Variants in DCLK1 observed in about 807,000 individuals in gnomAD.
The protein encoded by DCLK1 is serine/threonine-protein kinase DCLK1.
A neutral mutation model predicts 86.2 loss-of-function variants in DCLK1; 16 were observed. The ratio of observed to expected loss-of-function variants is 0.19; its 90% CI spans 0.13 to 0.28. DCLK1 has a LOEUF of 0.28. Among genes scored for constraint, DCLK1 ranks in the 10% least tolerant of loss-of-function variants. DCLK1 has a pLI of 1.00. For synonymous variants in DCLK1, 369 were observed against 370.5 expected (o/e 1.00, Z 0.05); for missense variants, 590 against 940.2 (o/e 0.63, Z 4.87).
Position 35,858,180 on chromosome 13 carries a change from T to C in DCLK1, c.941-3587A>G, listed in dbSNP as rs189043620. Among the ~76,000 whole-genome samples, 65 of 152,116 alleles carry C rather than the reference T, an allele frequency of 4.3e-4. 1 individual carries two copies. The highest frequency in any genetic ancestry group is 3.4e-3 in the Middle Eastern group (1 of 294). On this transcript the variant is annotated intron_variant, in intron 5 of 16. Transcript: ENST00000360631. Reference sequence around the variant, plus strand: ...GAGTGGGGCACATTTAAGGGTCCTATGGTAGAGATGCTGACGTGGCTGATC... The same window carrying C: ...GAGTGGGGCACATTTAAGGGTCCTACGGTAGAGATGCTGACGTGGCTGATC...
chr13:35,810,769 T>C, intron 12 of DCLK1, 66 bp downstream of exon 12: 1 of 1,582,028 alleles, frequency 6.3e-7, no homozygotes, highest in Non-Finnish European at 8.6e-7. Flanking sequence ...AGTACTATTT[T>C]TCCTATTCTC....
At chr13:36,021,149 C>G (rs1881759150) in intron 3 of DCLK1, among the ~76,000 whole-genome samples, 1 of 151,608 alleles carries the variant, frequency 6.6e-6, no homozygotes, top group Admixed American at 6.6e-5. Context: ...GGAGCAAAGT[C>G]TTGGTATATA....
At chr13:35,985,749 T>A (rs1364252721) in intron 3 of DCLK1, among the ~76,000 whole-genome samples, 1 of 152,152 alleles carries the variant, frequency 6.6e-6, no homozygotes, top group Non-Finnish European at 1.5e-5. Flanking sequence ...CCTTTTTCCT[T>A]TGCTTTCCAG....
chr13:36,088,255 T>C (rs1884688447), intron 3 of DCLK1, among the ~76,000 whole-genome samples: 1 of 152,120 alleles, frequency 6.6e-6, no homozygotes, highest in Non-Finnish European at 1.5e-5. Flanking sequence ...GCAGACCATA[T>C]CCTTTGAGGA....
At chr13:36,031,575 T>A (rs1882273227) in intron 3 of DCLK1, among the ~76,000 whole-genome samples, 1 of 152,204 alleles carries the variant, frequency 6.6e-6, no homozygotes, top group South Asian at 2.1e-4. Context: ...GGTAATACGT[T>A]TGACAATATA....
intron 3 of DCLK1, among the ~76,000 whole-genome samples, chr13:35,953,298 G>C (rs1214624607): frequency 6.6e-6 from 1 of 152,080 alleles, no homozygotes; most frequent in African/African-American, 2.4e-5. Flanking sequence ...AATGCAGGCT[G>C]TTAACTACCA....
At chr13:36,089,010 T>C (rs1281669756) in intron 3 of DCLK1, among the ~76,000 whole-genome samples, 1 of 152,214 alleles carries the variant, frequency 6.6e-6, no homozygotes, top group Non-Finnish European at 1.5e-5. Context: ...AGAAACAAAA[T>C]TTTATTCTAT....
At chr13:36,126,421 T>G (rs1205529559) in intron 1 of DCLK1, among the ~76,000 whole-genome samples, 3 of 152,082 alleles carry the variant, frequency 2.0e-5, no homozygotes, top group African/African-American at 7.2e-5. Context: ...CTTCATTTTT[T>G]GTTCATTTGC....
intron 2 of DCLK1, among the ~76,000 whole-genome samples, chr13:36,120,768 T>C (rs547993702): frequency 1.7e-4 from 16 of 95,202 alleles, no homozygotes; most frequent in African/African-American, 4.3e-4. Context: ...CATGAAAAGA[T>C]GAAAATTATG....
intron 3 of DCLK1, among the ~76,000 whole-genome samples, chr13:36,091,797 A>G (rs990452853): frequency 3.9e-5 from 6 of 152,082 alleles, no homozygotes; most frequent in African/African-American, 1.4e-4. Flanking sequence ...CCCACTCCCA[A>G]CGATAGCTAT....
rs58830720 is a variant in DCLK1 at position 35,905,838 on chromosome 13, C to CA, written c.824-34499dup. On this transcript the variant is annotated intron_variant, in intron 4 of 16. Coordinates refer to ENST00000360631, the MANE Select transcript of DCLK1 (RefSeq NM_001330071.2). ...TGGTGTGGGACTGTGGGCTCCGTCT[C>CA]AAAAAAAAAAAGACTGCCAGGGCGA... Among the ~76,000 whole-genome samples the CA allele has an allele frequency of 3.4e-3, 491 of 142,486 alleles. 1 individual carries two copies. The highest frequency in any genetic ancestry group is 4.5e-3 in the Non-Finnish European group (290 of 64,470). The allele number at this position is 142,486 out of a possible 152,430, so 93.5% of individuals were successfully genotyped here.
At chr13:36,021,138 T>C (rs1435763551) in intron 3 of DCLK1, among the ~76,000 whole-genome samples, 2 of 152,166 alleles carry the variant, frequency 1.3e-5, no homozygotes, top group East Asian at 1.9e-4. Flanking sequence ...AGAGCTATAT[T>C]GGAGCAAAGT....
At chr13:36,065,070 A>T (rs999546101) in intron 3 of DCLK1, among the ~76,000 whole-genome samples, 13 of 152,244 alleles carry the variant, frequency 8.5e-5, no homozygotes, top group African/African-American at 2.9e-4. Flanking sequence ...GAAAATATGC[A>T]GTCTATGGAA....
chr13:35,938,928 G>A (rs1260226661), intron 4 of DCLK1, among the ~76,000 whole-genome samples: 1 of 152,176 alleles, frequency 6.6e-6, no homozygotes, highest in Non-Finnish European at 1.5e-5. Flanking sequence ...GATTGCAGAT[G>A]TTATACAATG....
At chr13:35,815,151 T>C (rs2087239829) in intron 11 of DCLK1, among the ~76,000 whole-genome samples, 1 of 152,204 alleles carries the variant, frequency 6.6e-6, no homozygotes, top group Non-Finnish European at 1.5e-5. Flanking sequence ...TTTGTTTCTT[T>C]TTTGTTTATT....
At chr13:35,864,916 T>G (rs538258151) in intron 5 of DCLK1, among the ~76,000 whole-genome samples, 2 of 152,196 alleles carry the variant, frequency 1.3e-5, no homozygotes, top group East Asian at 3.9e-4. Context: ...CCTCCCAAAG[T>G]GTTGGGATTA....
At chr13:36,087,624 T>C (rs770551831) in intron 3 of DCLK1, among the ~76,000 whole-genome samples, 2 of 152,126 alleles carry the variant, frequency 1.3e-5, no homozygotes, top group Non-Finnish European at 2.9e-5. Context: ...AAACAGGCCA[T>C]GTGGATTGCT....
At chr13:35,809,706 G>A (rs1305983744) in intron 12 of DCLK1, among the ~76,000 whole-genome samples, 1 of 152,098 alleles carries the variant, frequency 6.6e-6, no homozygotes, top group East Asian at 1.9e-4. Flanking sequence ...GTGTGTCTGT[G>A]CCCCAGGCAG....
intron 3 of DCLK1, among the ~76,000 whole-genome samples, chr13:35,977,690 A>G (rs1879416437): frequency 6.6e-6 from 1 of 152,148 alleles, no homozygotes; most frequent in Admixed American, 6.5e-5. Flanking sequence ...AGTGACATGA[A>G]GAAGGCTGAG....
Sources: gnomAD v4.1 joint callset for allele counts (sites outside exome capture counted in the v4.1 genomes callset) on GRCh38, gnomAD v4.1.1 for gene constraint, MANE v1.5 for transcripts, NCBI Gene and HGNC (gene_info 2026-07-23, HGNC 2026-07-21) for gene names.